Variants in MYO15B observed in about 807,000 individuals in gnomAD.
MYO15B encodes the protein myosin XVB pseudogene.
MYO15B carries 207 observed loss-of-function variants against 119.3 expected under a neutral mutation model. The observed-to-expected ratio is 1.73, with a 90% CI of 1.55 to 1.95. The LOEUF is 1.95. Ranked by LOEUF, MYO15B falls within the 30% of genes most tolerant of loss-of-function variation. MYO15B has a pLI of 0.00. For synonymous variants in MYO15B, 966 were observed against 498.9 expected, an observed-to-expected ratio of 1.94 and a Z score of -12.48; for missense variants, 2,264 against 1,203.1, an observed-to-expected ratio of 1.88 and a Z score of -13.04.
chr17:75,626,493 C>G, exon 64 of MYO15B: 2 of 703,158 alleles, frequency 2.8e-6, no homozygotes, highest in East Asian at 5.4e-5. Flanking sequence ...GAGAGGAGTG[C>G]AGGCCGGGGA....
chr17:75,618,221 G>A, intron 43 of MYO15B, 36 bp downstream of exon 43: 1 of 702,780 alleles, frequency 1.4e-6, no homozygotes, highest in Non-Finnish European at 2.6e-6. Flanking sequence ...TGAGACATCT[G>A]CAGAGACAGC....
At chr17:75,587,947 G>A (rs956370768) in exon 1 of MYO15B, 1 of 396,542 alleles carries the variant, frequency 2.5e-6, no homozygotes, top group Admixed American at 4.4e-5. Flanking sequence ...TGTAGCCCCT[G>A]CGAGAGCAGA....
At chr17:75,588,154 G>A (rs1490373801) in exon 1 of MYO15B, 5 of 397,940 alleles carry the variant, frequency 1.3e-5, no homozygotes, top group Non-Finnish European at 1.3e-5. Flanking sequence ...CGCGGATGGC[G>A]CGCCCAGCCG....
chr17:75,605,861 C>T lies in MYO15B; in HGVS notation c.4135-3C>T. 2.9e-6 allele frequency: 2 copies of T among 691,422 alleles called. No individual in the cohort carries two copies. The highest frequency in any genetic ancestry group is 2.7e-6 in the Non-Finnish European group (1 of 377,312). 42.8% of individuals were successfully genotyped at this position (691,422 alleles called of 1,614,324 possible). ...TGCCTACAGCCCACCCCTCTACCCACAGGTCCTGCTGCAGGAGCAGGGCTG... is the reference window on the plus strand; with the variant it reads ...TGCCTACAGCCCACCCCTCTACCCATAGGTCCTGCTGCAGGAGCAGGGCTG... On this transcript the variant is annotated splice_polypyrimidine_tract_variant and splice_region_variant and intron_variant, in intron 20 of 63. Transcript: ENST00000645453.
chr17:75,594,134 A>C (rs979086014), intron 9 of MYO15B, among the ~76,000 whole-genome samples: 38 of 147,300 alleles, frequency 2.6e-4, no homozygotes, highest in African/African-American at 9.8e-4. Context: ...AGCAGCTGTT[A>C]TGTACCTGGG....
exon 7 of MYO15B, chr17:75,592,266 C>T (rs372032340): frequency 2.8e-6 from 2 of 702,904 alleles, no homozygotes; most frequent in East Asian, 2.7e-5. Context: ...CTCTGTGTCT[C>T]ATTATCTACT....
intron 53 of MYO15B, 27 bp from the exon 54 acceptor site, chr17:75,623,754 C>G: frequency 1.4e-6 from 1 of 702,842 alleles, no homozygotes. Flanking sequence ...CCATCCCTCA[C>G]CCCACCTGCC....
At chr17:75,625,750 GCCCTGT>G (rs1158812124) in intron 61 of MYO15B, 88 bp from the exon 62 acceptor site, 6 of 700,998 alleles carry the variant, frequency 8.6e-6, no homozygotes, top group Non-Finnish European at 1.6e-5. Flanking sequence ...GTCTGCGCCT[GCCCTGT>G]CCCTCTCAGC....
chr17:75,592,369 C>T (rs1033001761), intron 7 of MYO15B, 59 bp from the exon 8 acceptor site: 30 of 696,972 alleles, frequency 4.3e-5, no homozygotes, highest in African/African-American at 1.0e-4. Flanking sequence ...GTGTCACTGT[C>T]GGGGTGTGGC....
intron 62 of MYO15B, 27 bp downstream of exon 62, chr17:75,626,004 G>A: frequency 1.4e-6 from 1 of 699,656 alleles, no homozygotes; most frequent in Non-Finnish European, 2.6e-6. Flanking sequence ...CCTCAGCACT[G>A]GCCTAGGGAC....
intron 51 of MYO15B, 37 bp downstream of exon 51, chr17:75,621,445 CT>C (rs2058705357): frequency 1.4e-6 from 1 of 698,714 alleles, no homozygotes; most frequent in African/African-American, 1.7e-5. Context: ...GCCCGTAGAT[CT>C]GCCCTCTGAC....
chr17:75,594,949 G>A, exon 12 of MYO15B: 1 of 703,070 alleles, frequency 1.4e-6, no homozygotes, highest in East Asian at 2.7e-5. Flanking sequence ...CACCGTCACT[G>A]TCGTGGATGC....
rs950425269 is a variant in MYO15B at position 75,615,437 on chromosome 17, C to T, written c.5741-66C>T. 4 of 674,250 alleles carry T rather than the reference C, an allele frequency of 5.9e-6. No homozygotes were observed. The East Asian group carries it at 1.1e-4, about 18-fold the overall frequency. The allele number at this position is 674,250 out of a possible 1,614,324, so 41.8% of individuals were successfully genotyped here. A position where few individuals can be genotyped will look rare whatever the true frequency, so the allele number is the denominator to read the frequency against. On this transcript the variant is annotated intron_variant, in intron 34 of 63. Transcript: ENST00000645453. Reference sequence around the variant, plus strand: ...GGTCCTGCTAGGAGTCCCGAGTGCACAGTGGGCAGCGAGCTTCAAGGCTGG... The same window carrying T: ...GGTCCTGCTAGGAGTCCCGAGTGCATAGTGGGCAGCGAGCTTCAAGGCTGG...
chr17:75,616,906 C>A (rs1482198710), exon 40 of MYO15B: 10 of 703,022 alleles, frequency 1.4e-5, no homozygotes, highest in Admixed American at 4.0e-5. Flanking sequence ...AAAATCGACC[C>A]CAAGGACGAG....
At chr17:75,594,961 T>C (rs1230620326) in exon 12 of MYO15B, 3 of 703,046 alleles carry the variant, frequency 4.3e-6, no homozygotes, top group Non-Finnish European at 7.8e-6. Context: ...CGTGGATGCC[T>C]ACGGCTTTGA....
exon 59 of MYO15B, chr17:75,624,874 G>A: frequency 1.4e-6 from 1 of 703,022 alleles, no homozygotes. Context: ...AGACCCCACT[G>A]CACTTCGATA....
At chr17:75,614,092 C>CA (rs2058206210) in intron 29 of MYO15B, 107 bp from the exon 30 acceptor site, 1 of 641,550 alleles carries the variant, frequency 1.6e-6, no homozygotes, top group Admixed American at 2.2e-5. Flanking sequence ...CAGGCGGATC[C>CA]AGGGCCACCC....
rs3072564 is a variant in MYO15B, at chr17:75,593,924, G to GA, written c.2992-537dup. On this transcript the variant is annotated intron_variant, in intron 9 of 63. Transcript: ENST00000645453. ...ACAAGAGCGAGACTCAGTCTCAGAA[G>GA]AAAAAAAAAAAAAAGATTAGCTGGG... Among the ~76,000 whole-genome samples, 231 of 128,844 alleles carry GA rather than the reference G, an allele frequency of 1.8e-3. 4 individuals carry two copies. The highest frequency in any genetic ancestry group is 5.5e-3 in the African/African-American group (182 of 33,036). The allele number at this position is 128,844 out of a possible 152,430, so 84.5% of individuals were successfully genotyped here.
chr17:75,613,985 G>A (rs1017012998), intron 29 of MYO15B: 1 of 598,680 alleles, frequency 1.7e-6, no homozygotes, highest in Non-Finnish European at 3.0e-6. Context: ...CAGCAGGTCA[G>A]AAAAGAAATG....
Sources: allele counts gnomAD v4.1 joint callset (sites outside exome capture counted in the v4.1 genomes callset), GRCh38; gene constraint gnomAD v4.1.1; transcripts MANE v1.5; gene names NCBI Gene and HGNC (gene_info 2026-07-23, HGNC 2026-07-21).